IGF2BP2: variants seen among roughly 807,000 people sequenced by gnomAD.
The protein encoded by IGF2BP2 is insulin-like growth factor 2 mRNA-binding protein 2.
A neutral mutation model predicts 75.8 loss-of-function variants in IGF2BP2; 17 were observed. The observed-to-expected ratio is 0.22, with a 90% CI of 0.15 to 0.34. The LOEUF is 0.34. Ranked by LOEUF, IGF2BP2 falls within the 10% of genes least tolerant of loss-of-function variation. IGF2BP2 has a pLI of 1.00. For synonymous variants in IGF2BP2, 288 were observed against 295.6 expected (o/e 0.97, Z 0.26); for missense variants, 516 against 772.4 (o/e 0.67, Z 3.93).
At chr3:185,750,314 G>A (rs1269267704) in intron 2 of IGF2BP2, among the ~76,000 whole-genome samples, 1 of 152,072 alleles carries the variant, frequency 6.6e-6, no homozygotes, top group Non-Finnish European at 1.5e-5. Flanking sequence ...TTGACACTGG[G>A]AATTTATTAT....
chr3:185,803,081 G>A (rs993277870), intron 2 of IGF2BP2, among the ~76,000 whole-genome samples: 2 of 152,220 alleles, frequency 1.3e-5, no homozygotes, highest in Non-Finnish European at 2.9e-5. Flanking sequence ...GGCTGGGCGT[G>A]GTGGCTCACG....
intron 2 of IGF2BP2, among the ~76,000 whole-genome samples, chr3:185,772,179 C>A (rs566586760): frequency 1.3e-5 from 2 of 152,238 alleles, no homozygotes; most frequent in East Asian, 3.9e-4. Context: ...GTTCACTGTT[C>A]TAGCTCAAGT....
chr3:185,733,612 T>C (rs937538127), intron 2 of IGF2BP2, among the ~76,000 whole-genome samples: 1 of 152,020 alleles, frequency 6.6e-6, no homozygotes, highest in Non-Finnish European at 1.5e-5. Context: ...CAAAACTAGC[T>C]GGGTGTGGTG....
chr3:185,819,468 C>T (rs1419824848), intron 2 of IGF2BP2, among the ~76,000 whole-genome samples: 1 of 152,050 alleles, frequency 6.6e-6, no homozygotes, highest in East Asian at 1.9e-4. Flanking sequence ...ACCAATATCA[C>T]CAAGTTCACT....
At chr3:185,661,506 G>A (rs981707033) in intron 10 of IGF2BP2, among the ~76,000 whole-genome samples, 1 of 151,822 alleles carries the variant, frequency 6.6e-6, no homozygotes, top group African/African-American at 2.4e-5. Flanking sequence ...GCGTGGTGGT[G>A]GACACCTGCA....
At chr3:185,781,139 C>CA (rs1162359219) in intron 2 of IGF2BP2, among the ~76,000 whole-genome samples, 1 of 151,774 alleles carries the variant, frequency 6.6e-6, no homozygotes, top group South Asian at 2.1e-4. Context: ...AATAAGGCTG[C>CA]AAAAAAATAC....
chr3:185,701,336 T>C (rs1320027057), intron 2 of IGF2BP2, among the ~76,000 whole-genome samples: 1 of 149,846 alleles, frequency 6.7e-6, no homozygotes, highest in Non-Finnish European at 1.5e-5. Flanking sequence ...ACAAGACTTA[T>C]TTTTTTTAAA....
intron 5 of IGF2BP2, among the ~76,000 whole-genome samples, chr3:185,691,147 G>A (rs1721900283): frequency 6.6e-6 from 1 of 152,060 alleles, no homozygotes; most frequent in South Asian, 2.1e-4. Context: ...TGACCAGGCT[G>A]GAGTGCAATG....
At chr3:185,790,909 T>C (rs2149859750) in intron 2 of IGF2BP2, among the ~76,000 whole-genome samples, 1 of 152,370 alleles carries the variant, frequency 6.6e-6, no homozygotes, top group Admixed American at 6.5e-5. Context: ...ACTGCCCACA[T>C]CATGTTTTTC....
chr3:185,651,036 G>A (rs1714509513), intron 13 of IGF2BP2, among the ~76,000 whole-genome samples: 1 of 152,156 alleles, frequency 6.6e-6, no homozygotes, highest in Non-Finnish European at 1.5e-5. Context: ...AGCCTCCCAA[G>A]TAGCTGGGAC....
At chr3:185,792,916 G>A (rs1736847979) in intron 2 of IGF2BP2, among the ~76,000 whole-genome samples, 1 of 151,958 alleles carries the variant, frequency 6.6e-6, no homozygotes, top group Admixed American at 6.6e-5. Flanking sequence ...ACCCTCTCAT[G>A]AGCAGCCCAC....
intron 2 of IGF2BP2, among the ~76,000 whole-genome samples, chr3:185,723,675 GAC>G (rs1726904252): frequency 1.3e-5 from 2 of 152,182 alleles, no homozygotes; most frequent in South Asian, 4.1e-4. Flanking sequence ...ACTTGTGTAT[GAC>G]ACACAGTTTC....
intron 2 of IGF2BP2, among the ~76,000 whole-genome samples, chr3:185,740,922 G>A (rs1729465099): frequency 6.6e-6 from 1 of 152,204 alleles, no homozygotes; most frequent in South Asian, 2.1e-4. Context: ...CTGTCGCCCA[G>A]GCTGGAGTGC....
At chr3:185,745,724 G>A (rs1474375752) in intron 2 of IGF2BP2, among the ~76,000 whole-genome samples, 1 of 152,216 alleles carries the variant, frequency 6.6e-6, no homozygotes, top group Non-Finnish European at 1.5e-5. Context: ...CTGCTGCAAT[G>A]AGCGCCTGCA....
chr3:185,649,800 TTC>T (rs1360323583), intron 13 of IGF2BP2, among the ~76,000 whole-genome samples: 2 of 152,320 alleles, frequency 1.3e-5, no homozygotes, highest in East Asian at 3.9e-4. Flanking sequence ...CTAGGGAGCT[TTC>T]TGTGTGTCAG....
At chr3:185,659,021 C>T (rs180768314) in intron 10 of IGF2BP2, among the ~76,000 whole-genome samples, 1 of 152,068 alleles carries the variant, frequency 6.6e-6, no homozygotes. Flanking sequence ...TTGAGACTAG[C>T]CTGGGTGACA....
intron 2 of IGF2BP2, among the ~76,000 whole-genome samples, chr3:185,784,255 T>C (rs1735575174): frequency 7.5e-6 from 1 of 133,746 alleles, no homozygotes; most frequent in African/African-American, 3.5e-5. Context: ...AACAAGTAGA[T>C]AGATAGATAG....
At chr3:185,775,892 C>T (rs1238688857) in intron 2 of IGF2BP2, among the ~76,000 whole-genome samples, 1 of 152,148 alleles carries the variant, frequency 6.6e-6, no homozygotes, top group South Asian at 2.1e-4. Context: ...TATATATAAG[C>T]GTGAATAATA....
chr3:185,805,049 A>C (rs1374919400), intron 2 of IGF2BP2, among the ~76,000 whole-genome samples: 2 of 151,862 alleles, frequency 1.3e-5, no homozygotes, highest in African/African-American at 4.8e-5. Flanking sequence ...AACAACATCC[A>C]CCAATGTGAT....
Sources: gnomAD v4.1 joint callset for allele counts (sites outside exome capture counted in the v4.1 genomes callset) on GRCh38, gnomAD v4.1.1 for gene constraint, MANE v1.5 for transcripts, NCBI Gene and HGNC (gene_info 2026-07-23, HGNC 2026-07-21) for gene names.